Variants in NAA25 observed in about 807,000 individuals in gnomAD.
NAA25 encodes the protein N-alpha-acetyltransferase 25, NatB auxiliary subunit, also known as N-terminal acetyltransferase B complex subunit NAA25.
Under a neutral mutation model 132.5 loss-of-function variants are expected in NAA25, and 30 were observed. That is an observed-to-expected ratio of 0.23 (90% confidence interval 0.17 to 0.31). NAA25 has a LOEUF of 0.31. Ranked by LOEUF, NAA25 falls within the 10% of genes least tolerant of loss-of-function variation. NAA25 has a pLI of 1.00. For synonymous variants in NAA25, 359 were observed against 401.9 expected, an observed-to-expected ratio of 0.89 and a Z score of 1.28; for missense variants, 771 against 1,150.4, an observed-to-expected ratio of 0.67 and a Z score of 4.77.
At chr12:112,039,503 T>A in intron 21 of NAA25, 164 bp from the exon 22 acceptor site, 1 of 516,900 alleles carries the variant, frequency 1.9e-6, no homozygotes, top group South Asian at 2.7e-5. Context: ...ACTCTACTGA[T>A]CCAGGCCTTC....
intron 20 of NAA25, among the ~76,000 whole-genome samples, chr12:112,041,819 A>T (rs2078304439): frequency 6.6e-6 from 1 of 152,240 alleles, no homozygotes; most frequent in Admixed American, 6.5e-5. Flanking sequence ...AAGTCAAAAA[A>T]GCATGGATTA....
At chr12:112,080,623 CCA>C (rs2078960855) in intron 5 of NAA25, among the ~76,000 whole-genome samples, 1 of 151,964 alleles carries the variant, frequency 6.6e-6, no homozygotes, top group African/African-American at 2.4e-5. Context: ...GCCTCAGCCT[CCA>C]GAGTAGCTGG....
chr12:112,061,167 G>T lies in NAA25; in HGVS notation c.1357+14C>A. The T allele has an allele frequency of 1.3e-6, 2 of 1,519,100 alleles. No individual in the cohort carries two copies. Among genetic ancestry groups the T allele is most frequent in the South Asian group, 2.5e-5 (2 of 78,686 alleles). The allele number at this position is 1,519,100 out of a possible 1,614,324, so 94.1% of individuals were successfully genotyped here. ...AGATCAGGGAACTACTGCACATTTT[G>T]AATGGTTGCTCACCAAATTCCAGTC... is the stretch of plus-strand genomic sequence containing the variant. On this transcript the variant is annotated intron_variant, in intron 12 of 23. Transcript: ENST00000261745.
chr12:112,072,157 C>T (rs1036707791), intron 9 of NAA25, 93 bp from the exon 10 acceptor site: 28 of 865,836 alleles, frequency 3.2e-5, no homozygotes, highest in Non-Finnish European at 3.8e-5. Context: ...AAGAGAAAAA[C>T]GACTTTGATA....
rs368639277 is a variant in NAA25, at chr12:112,060,193, T to C, written c.1447+77A>G. On this transcript the variant is annotated intron_variant, in intron 13 of 23. Coordinates refer to ENST00000261745, the MANE Select transcript of NAA25 (RefSeq NM_024953.4). ...AAATAAAATTTGTGGATTGTAAAAT[T>C]AGTCTAATGAAAGAATGCAGTACTT... The C allele has an allele frequency of 2.4e-5, 22 of 913,398 alleles. No individual in the cohort carries two copies. The East Asian group carries it at 4.3e-4, about 18-fold the overall frequency. 56.6% of individuals were successfully genotyped at this position (913,398 alleles called of 1,614,324 possible). A position where few individuals can be genotyped will look rare whatever the true frequency, so the allele number is the denominator to read the frequency against.
chr12:112,104,430 T>A (rs1199584639), intron 1 of NAA25, among the ~76,000 whole-genome samples: 1 of 151,856 alleles, frequency 6.6e-6, no homozygotes, highest in East Asian at 1.9e-4. Flanking sequence ...GAAAAATAAA[T>A]AAATAAAAGT....
At chr12:112,059,399 T>C (rs1293124582) in intron 13 of NAA25, among the ~76,000 whole-genome samples, 1 of 152,190 alleles carries the variant, frequency 6.6e-6, no homozygotes, top group Non-Finnish European at 1.5e-5. Context: ...TAATATGCCA[T>C]AAGCACCTAA....
intron 1 of NAA25, among the ~76,000 whole-genome samples, chr12:112,102,483 C>T (rs1227453903): frequency 6.6e-6 from 1 of 152,074 alleles, no homozygotes; most frequent in Non-Finnish European, 1.5e-5. Flanking sequence ...TGCACTAAAA[C>T]CTTCATTTTC....
rs373308062 is a variant in NAA25 at position 112,033,042 on chromosome 12, AATG to A, written c.2796+188_2796+190del. ...ATAGAAAGGAGGACGTATGGGGAGA[AATG>A]AAGAGGGGAAAAAACCTACCACCAA... On this transcript the variant is annotated intron_variant, in intron 23 of 23. Coordinates refer to ENST00000261745, the MANE Select transcript of NAA25 (RefSeq NM_024953.4). Among the ~76,000 whole-genome samples the A allele has an allele frequency of 4.8e-4, 73 of 152,368 alleles. 1 individual carries two copies. The highest frequency in any genetic ancestry group is 1.7e-3 in the African/African-American group (72 of 41,588).
intron 17 of NAA25, 51 bp from the exon 18 acceptor site, chr12:112,043,919 T>C (rs933565978): frequency 6.4e-7 from 1 of 1,552,598 alleles, no homozygotes; most frequent in South Asian, 1.2e-5. Flanking sequence ...ATTCAATCCA[T>C]TGCTTTCAAT....
intron 7 of NAA25, among the ~76,000 whole-genome samples, chr12:112,076,483 A>C (rs1314086020): frequency 6.6e-6 from 1 of 152,186 alleles, no homozygotes; most frequent in African/African-American, 2.4e-5. Context: ...CTGAGCTGAC[A>C]TGAGCTAAGA....
At chr12:112,072,654 T>A (rs902389700) in intron 9 of NAA25, among the ~76,000 whole-genome samples, 9 of 144,496 alleles carry the variant, frequency 6.2e-5, no homozygotes, top group Non-Finnish European at 1.4e-4. Context: ...AATAAAAATA[T>A]AAGGCTGGGT....
intron 1 of NAA25, among the ~76,000 whole-genome samples, chr12:112,107,680 C>T (rs1215244065): frequency 2.0e-5 from 3 of 152,106 alleles, no homozygotes; most frequent in Non-Finnish European, 4.4e-5. Flanking sequence ...GGAGAGAAGC[C>T]TCCAATTTAG....
chr12:112,074,643 G>A (rs993359689), intron 9 of NAA25, 32 bp downstream of exon 9: 3 of 1,344,048 alleles, frequency 2.2e-6, no homozygotes, highest in African/African-American at 2.9e-5. Flanking sequence ...ATTAAAAAGT[G>A]CTGTTATAAT....
intron 13 of NAA25, among the ~76,000 whole-genome samples, chr12:112,055,260 G>A (rs550955349): frequency 1.1e-4 from 17 of 152,182 alleles, no homozygotes; most frequent in African/African-American, 3.4e-4. Flanking sequence ...ATAACTACTT[G>A]ACGTTAATGA....
At chr12:112,086,063 T>TAC (rs2079047261) in intron 4 of NAA25, among the ~76,000 whole-genome samples, 1 of 67,970 alleles carries the variant, frequency 1.5e-5, no homozygotes, top group African/African-American at 1.0e-4. Flanking sequence ...TATATATATA[T>TAC]ATATATATAT....
rs1228023789 is a variant in NAA25 at position 112,029,122 on chromosome 12, CA to C, written c.*408del. The stretch of plus-strand genomic sequence containing the variant: ...CCTCCACTTCTTGTGGCTCAAGGAC[CA>C]GACCAAAAACTCTCAATGTTATTTA... On this transcript the variant is annotated 3_prime_UTR_variant, in exon 24 of 24. Transcript: ENST00000261745. 4 of 168,064 alleles carry C rather than the reference CA, an allele frequency of 2.4e-5. No individual in the cohort carries two copies. The highest frequency in any genetic ancestry group is 9.6e-5 in the African/African-American group (4 of 41,800). 10.4% of individuals were successfully genotyped at this position (168,064 alleles called of 1,614,324 possible).
intron 7 of NAA25, among the ~76,000 whole-genome samples, chr12:112,077,478 A>C (rs531855441): frequency 2.0e-3 from 303 of 151,672 alleles, no homozygotes; most frequent in Non-Finnish European, 3.3e-3. Context: ...TCTCCAAAAA[A>C]AAAAAGAAAG....
At chr12:112,060,384 A>C in intron 12 of NAA25, 25 bp from the exon 13 acceptor site, 1 of 1,503,578 alleles carries the variant, frequency 6.7e-7, no homozygotes, top group Non-Finnish European at 9.3e-7. Flanking sequence ...AATCATATCT[A>C]TTTTAACATT....
Sources: gnomAD v4.1 joint callset for allele counts (sites outside exome capture counted in the v4.1 genomes callset) on GRCh38, gnomAD v4.1.1 for gene constraint, MANE v1.5 for transcripts, NCBI Gene and HGNC (gene_info 2026-07-23, HGNC 2026-07-21) for gene names.